NR3C2: variants seen among roughly 807,000 people sequenced by gnomAD.
NR3C2 encodes nuclear receptor subfamily 3 group C member 2.
A neutral mutation model predicts 86.4 loss-of-function variants in NR3C2; 15 were observed. That is an observed-to-expected ratio of 0.17 (90% CI 0.12 to 0.27). NR3C2 has a LOEUF of 0.27. Among genes scored for constraint, NR3C2 ranks in the 10% least tolerant of loss-of-function variants. The pLI, the probability that NR3C2 is intolerant of heterozygous loss-of-function variation, is 1.00. For synonymous variants in NR3C2, 458 were observed against 450.5 expected (o/e 1.02, Z -0.21); for missense variants, 960 against 1,195.6 (o/e 0.80, Z 2.91).
chr4:148,389,354 C>A (rs1328589114), intron 2 of NR3C2, among the ~76,000 whole-genome samples: 1 of 152,140 alleles, frequency 6.6e-6, no homozygotes, highest in African/African-American at 2.4e-5. Flanking sequence ...TGCTATAGGA[C>A]ACGGGTAAAA....
intron 6 of NR3C2, among the ~76,000 whole-genome samples, chr4:148,134,144 T>G (rs889534097): frequency 6.6e-6 from 1 of 152,152 alleles, no homozygotes; most frequent in Non-Finnish European, 1.5e-5. Flanking sequence ...CTCAATTAAT[T>G]TATTAGAGAT....
At chr4:148,232,542 A>G (rs913717167) in intron 3 of NR3C2, among the ~76,000 whole-genome samples, 3 of 152,230 alleles carry the variant, frequency 2.0e-5, no homozygotes, top group African/African-American at 4.8e-5. Flanking sequence ...GTACAGGCAG[A>G]GTAGATTTAG....
At chr4:148,435,078 CA>C (rs759646483) in intron 2 of NR3C2, 25 bp downstream of exon 2, 2 of 1,612,168 alleles carry the variant, frequency 1.2e-6, no homozygotes, top group African/African-American at 1.3e-5. Context: ...CCATGACTTC[CA>C]AAAAAATGGA....
chr4:148,355,882 C>G (rs1433571963), intron 2 of NR3C2, among the ~76,000 whole-genome samples: 1 of 152,128 alleles, frequency 6.6e-6, no homozygotes, highest in Non-Finnish European at 1.5e-5. Context: ...GCTACCTGAC[C>G]CTGGCCAAAT....
At chr4:148,175,889 G>A (rs1360227482) in intron 4 of NR3C2, among the ~76,000 whole-genome samples, 2 of 152,142 alleles carry the variant, frequency 1.3e-5, no homozygotes, top group African/African-American at 2.4e-5. Flanking sequence ...CCAGCTACTC[G>A]GGAGGCTGAG....
intron 2 of NR3C2, among the ~76,000 whole-genome samples, chr4:148,328,987 A>G (rs182674585): frequency 1.8e-4 from 28 of 152,336 alleles, no homozygotes; most frequent in Admixed American, 7.2e-4. Context: ...TTACCATTGT[A>G]GACATCTAAA....
At chr4:148,158,180 A>G (rs780486342) in intron 4 of NR3C2, among the ~76,000 whole-genome samples, 50 of 152,200 alleles carry the variant, frequency 3.3e-4, no homozygotes, top group Non-Finnish European at 1.2e-4. Context: ...GGCACTAGTA[A>G]CCCAGATACT....
At chr4:148,336,105 C>T (rs1394989815) in intron 2 of NR3C2, among the ~76,000 whole-genome samples, 1 of 152,168 alleles carries the variant, frequency 6.6e-6, no homozygotes, top group African/African-American at 2.4e-5. Flanking sequence ...AGAGAGCCGT[C>T]CCTCACAGAC....
At chr4:148,184,390 C>T (rs374155294) in intron 4 of NR3C2, among the ~76,000 whole-genome samples, 3 of 150,974 alleles carry the variant, frequency 2.0e-5, no homozygotes, top group East Asian at 2.0e-4. Flanking sequence ...ACCCGGGAGG[C>T]GGAGGTTGCA....
intron 2 of NR3C2, among the ~76,000 whole-genome samples, chr4:148,281,203 G>T (rs904491931): frequency 6.6e-6 from 1 of 152,204 alleles, no homozygotes; most frequent in African/African-American, 2.4e-5. Flanking sequence ...GGTACTAAGA[G>T]CAGCAGACTT....
At chr4:148,251,949 T>C (rs1253792685) in intron 3 of NR3C2, among the ~76,000 whole-genome samples, 1 of 152,142 alleles carries the variant, frequency 6.6e-6, no homozygotes. Flanking sequence ...AGTTGGTATC[T>C]GATATTACTC....
intron 2 of NR3C2, among the ~76,000 whole-genome samples, chr4:148,348,047 T>C (rs1745084873): frequency 2.0e-5 from 3 of 152,090 alleles, no homozygotes. Flanking sequence ...CACTTCTCCT[T>C]TACATTACTT....
At chr4:148,442,022 C>T (rs1750367661) in intron 1 of NR3C2, 138 bp downstream of exon 1, 1 of 152,514 alleles carries the variant, frequency 6.6e-6, no homozygotes, top group Admixed American at 6.5e-5. Flanking sequence ...AAAACCAAAA[C>T]AAAACAACAA....
intron 2 of NR3C2, among the ~76,000 whole-genome samples, chr4:148,279,369 C>G (rs1388723674): frequency 6.6e-6 from 1 of 152,156 alleles, no homozygotes; most frequent in Middle Eastern, 3.4e-3. Context: ...TGGTGGAGGA[C>G]AGAACACTAA....
chr4:148,193,701 T>C (rs1279531367), intron 4 of NR3C2, among the ~76,000 whole-genome samples: 3 of 152,222 alleles, frequency 2.0e-5, no homozygotes, highest in Admixed American at 6.5e-5. Context: ...ATCTGCAATA[T>C]GAAACCCATA....
intron 2 of NR3C2, among the ~76,000 whole-genome samples, chr4:148,276,969 ACT>A (rs1740991959): frequency 6.6e-6 from 1 of 152,136 alleles, no homozygotes; most frequent in Non-Finnish European, 1.5e-5. Context: ...TTTCAAGCAA[ACT>A]CTGAACACAA....
At chr4:148,135,804 C>T (rs1220706186) in intron 6 of NR3C2, among the ~76,000 whole-genome samples, 2 of 151,938 alleles carry the variant, frequency 1.3e-5, no homozygotes, top group Non-Finnish European at 2.9e-5. Context: ...CGCCTGTAAT[C>T]CCAGCACTTT....
At chr4:148,192,874 G>A (rs1736263996) in intron 4 of NR3C2, among the ~76,000 whole-genome samples, 1 of 151,944 alleles carries the variant, frequency 6.6e-6, no homozygotes, top group Non-Finnish European at 1.5e-5. Flanking sequence ...AGGGCAAGAG[G>A]GGCTTGAACA....
chr4:148,383,534 A>G (rs1747106214), intron 2 of NR3C2, among the ~76,000 whole-genome samples: 1 of 152,234 alleles, frequency 6.6e-6, no homozygotes, highest in Non-Finnish European at 1.5e-5. Flanking sequence ...ATGTTAAACA[A>G]CAGCTGCTTG....
Sources: allele counts gnomAD v4.1 joint callset (sites outside exome capture counted in the v4.1 genomes callset), GRCh38; gene constraint gnomAD v4.1.1; transcripts MANE v1.5; gene names NCBI Gene and HGNC (gene_info 2026-07-23, HGNC 2026-07-21).